Variants in PTDSS1 observed in about 807,000 individuals in gnomAD.
The protein encoded by PTDSS1 is phosphatidylserine synthase 1, also known as PSS-1.
PTDSS1 carries 45 observed loss-of-function variants against 70.5 expected under a neutral mutation model. The observed-to-expected ratio is 0.64, with a 90% confidence interval of 0.50 to 0.82. PTDSS1 has a LOEUF of 0.82. PTDSS1 is among the 40% of genes least tolerant of loss of function. The pLI, the probability that PTDSS1 is intolerant of heterozygous loss-of-function variation, is 0.00. For missense variants in PTDSS1, 417 were observed against 586.1 expected (o/e 0.71, Z 2.98); for synonymous variants, 188 against 203.8 (o/e 0.92, Z 0.66).
intron 9 of PTDSS1, among the ~76,000 whole-genome samples, chr8:96,314,770 G>A (rs1811261386): frequency 6.6e-6 from 1 of 152,006 alleles, no homozygotes; most frequent in Non-Finnish European, 1.5e-5. Context: ...CTAATTTTTT[G>A]TATTTTTAGT....
chr8:96,279,493 G>C (rs1446838788), intron 2 of PTDSS1, among the ~76,000 whole-genome samples: 1 of 150,340 alleles, frequency 6.7e-6, no homozygotes, highest in African/African-American at 2.5e-5. Context: ...CTTCCATCCT[G>C]TGTCCCCTCC....
intron 5 of PTDSS1, 56 bp from the exon 6 acceptor site, chr8:96,299,638 T>C: frequency 6.7e-7 from 1 of 1,491,370 alleles, no homozygotes; most frequent in Non-Finnish European, 9.0e-7. Context: ...TCTATCTATC[T>C]GCATGGTACC....
intron 2 of PTDSS1, among the ~76,000 whole-genome samples, chr8:96,275,687 A>G (rs377243787): frequency 2.6e-5 from 4 of 152,188 alleles, no homozygotes; most frequent in Non-Finnish European, 5.9e-5. Flanking sequence ...GGCAAACTCT[A>G]TCTCAGGTTA....
chr8:96,262,068 C>A lies in PTDSS1; in HGVS notation c.28C>A (p.Leu10Ile). 3.7e-6 allele frequency: 6 copies of A among 1,613,640 alleles called. No individual in the cohort carries two copies. Among genetic ancestry groups the A allele is most frequent in the Non-Finnish European group, 4.2e-6 (5 of 1,179,694 alleles). ...GGCGTCCTGCGTGGGGAGCCGGACCCTAAGCAAGGATGATGTGAACTACAA... is the reference window on the plus strand; with the variant it reads ...GGCGTCCTGCGTGGGGAGCCGGACCATAAGCAAGGATGATGTGAACTACAA... MASCVGSRT[L>I]SKDDVNYKMH... The change falls in exon 1 of 13, where the codon CTA (leucine) becomes ATA (isoleucine). Residue 10 changes from leucine to isoleucine, a missense_variant. Physicochemically the swap from Leu to Ile is conservative, Grantham distance 5. This residue lies in a region of PTDSS1 where 38 missense variants were observed against 34.3 expected (regional missense o/e 1.11). Transcript: ENST00000517309. The surrounding 1 kb of genome is among the most constrained non-coding windows in gnomAD (Gnocchi z 4.4).
intron 9 of PTDSS1, among the ~76,000 whole-genome samples, chr8:96,310,636 T>C (rs10955071): frequency 0.17 from 26,098 of 152,046 alleles, 2,304 homozygotes; most frequent in African/African-American, 0.2. Context: ...CCACACCCCA[T>C]ATTATTGTCA....
At chr8:96,265,744 C>T (rs1005522693) in intron 1 of PTDSS1, among the ~76,000 whole-genome samples, 1 of 152,138 alleles carries the variant, frequency 6.6e-6, no homozygotes, top group Admixed American at 6.5e-5. Context: ...CCTACTCACT[C>T]GACAGAATGA....
intron 2 of PTDSS1, chr8:96,283,871 A>T: frequency 4.4e-6 from 2 of 451,462 alleles, no homozygotes; most frequent in Admixed American, 4.1e-5. Context: ...AAAGCTTTAT[A>T]AAAAATCTCT....
chr8:96,317,878 AGTGTGTGTGTGTGTGTGTGT>A lies in PTDSS1; in HGVS notation c.1074-2345_1074-2326del, dbSNP rs10529330. ...AATTGTCTTATGAAGCTTTTGTTTC[AGTGTGTGTGTGTGTGTGTGT>A]GTGTGTGTGTGTGTGTGTGTGTACA... On this transcript the variant is annotated intron_variant, in intron 9 of 12. Transcript: ENST00000517309. Among the ~76,000 whole-genome samples the A allele has an allele frequency of 4.3e-5, 6 of 139,970 alleles. No individual in the cohort carries two copies. The East Asian group carries it at 7.3e-4, about 17-fold the overall frequency. 91.8% of individuals were successfully genotyped at this position (139,970 alleles called of 152,430 possible). A position where few individuals can be genotyped will look rare whatever the true frequency, so the allele number is the denominator to read the frequency against.
At chr8:96,280,818 T>C (rs949555843) in intron 2 of PTDSS1, among the ~76,000 whole-genome samples, 1 of 152,160 alleles carries the variant, frequency 6.6e-6, no homozygotes, top group Non-Finnish European at 1.5e-5. Flanking sequence ...GGAACTCCTG[T>C]GGAAAGCAAC....
intron 10 of PTDSS1, among the ~76,000 whole-genome samples, chr8:96,329,612 C>T (rs1811484685): frequency 6.6e-6 from 1 of 152,168 alleles, no homozygotes; most frequent in African/African-American, 2.4e-5. Flanking sequence ...CACTCAGGGC[C>T]TTAAGAGCAT....
chr8:96,317,083 G>GGA (rs1180673539), intron 9 of PTDSS1, among the ~76,000 whole-genome samples: 6 of 139,664 alleles, frequency 4.3e-5, no homozygotes, highest in East Asian at 2.0e-4. Context: ...ATATATATAT[G>GGA]GAGAGAGAGA....
rs905402341 is a variant in PTDSS1, at chr8:96,274,142, ATTTTTT to A, written c.271+761_271+766del. On this transcript the variant is annotated intron_variant, in intron 2 of 12. Coordinates refer to ENST00000517309, the MANE Select transcript of PTDSS1 (RefSeq NM_014754.3). ...TTCTAAACGCTCACTCTTGTCTTCT[ATTTTTT>A]TTTTTTTTAACACCTATGACATTTG... Among the ~76,000 whole-genome samples, 40 of 135,604 alleles carry A rather than the reference ATTTTTT, an allele frequency of 2.9e-4. No homozygotes were observed. The South Asian group carries it at 6.7e-3, about 23-fold the overall frequency. 89.0% of individuals were successfully genotyped at this position (135,604 alleles called of 152,430 possible). A position where few individuals can be genotyped will look rare whatever the true frequency, so the allele number is the denominator to read the frequency against.
At chr8:96,277,412 G>T (rs990603855) in intron 2 of PTDSS1, among the ~76,000 whole-genome samples, 21 of 152,216 alleles carry the variant, frequency 1.4e-4, no homozygotes, top group African/African-American at 4.6e-4. Flanking sequence ...GCCTCCCCAG[G>T]AGCCCATGCT....
chr8:96,270,977 TTAAA>T (rs1456873959), intron 1 of PTDSS1, among the ~76,000 whole-genome samples: 4 of 152,230 alleles, frequency 2.6e-5, no homozygotes, highest in Non-Finnish European at 5.9e-5. Context: ...GTAGATAATT[TTAAA>T]TAGAGACTAA....
At chr8:96,294,311 T>C (rs2130076535) in intron 4 of PTDSS1, among the ~76,000 whole-genome samples, 1 of 152,314 alleles carries the variant, frequency 6.6e-6, no homozygotes, top group East Asian at 1.9e-4. Flanking sequence ...ATTTGCCAAC[T>C]CTTACTACTG....
intron 4 of PTDSS1, among the ~76,000 whole-genome samples, chr8:96,294,209 C>G (rs957069939): frequency 3.3e-5 from 5 of 152,286 alleles, no homozygotes; most frequent in African/African-American, 1.2e-4. Flanking sequence ...GACAGGGAAG[C>G]TCTTTTGCTC....
In PTDSS1 at chr8:96,305,750, G is replaced by A. The variant is rs566381801; in HGVS notation, c.895-694G>A. On this transcript the variant is annotated intron_variant, in intron 7 of 12. Transcript: ENST00000517309. ...AGTTGGAGTGCAATGGCGTGATCTCGGCCCACTGCAACCTGCAACCTCTGC... is the reference window on the plus strand; with the variant it reads ...AGTTGGAGTGCAATGGCGTGATCTCAGCCCACTGCAACCTGCAACCTCTGC... 7.2e-5 allele frequency among the ~76,000 whole-genome samples: 11 copies of A among 151,896 alleles called. No individual in the cohort carries two copies. In the South Asian group the frequency reaches 1.2e-3, roughly 17 times the overall value.
At chr8:96,325,970 A>T (rs550455659) in intron 10 of PTDSS1, among the ~76,000 whole-genome samples, 3 of 152,214 alleles carry the variant, frequency 2.0e-5, no homozygotes, top group Admixed American at 1.3e-4. Context: ...CTTCCTCCAC[A>T]CAAGAAGAAA....
intron 7 of PTDSS1, among the ~76,000 whole-genome samples, chr8:96,304,740 A>C (rs75907067): frequency 1.2e-4 from 18 of 152,302 alleles, no homozygotes; most frequent in Non-Finnish European, 1.8e-4. Flanking sequence ...TCTTGGCAAA[A>C]GATTATCAAG....
Sources: gnomAD v4.1 joint callset for allele counts (sites outside exome capture counted in the v4.1 genomes callset) on GRCh38, gnomAD v4.1.1 for gene constraint, gnomAD v4.1.1 regional missense constraint, Gnocchi (gnomAD v3.1) non-coding constraint, MANE v1.5 for transcripts, NCBI Gene and HGNC (gene_info 2026-07-23, HGNC 2026-07-21) for gene names.